The following TRAK2 variants were observed in gnomAD, a reference collection of about 807,000 sequenced individuals.
The protein encoded by TRAK2 is trafficking kinesin-binding protein 2.
A neutral mutation model predicts 104.6 loss-of-function variants in TRAK2; 81 were observed. That is an observed-to-expected ratio of 0.77 (90% CI 0.65 to 0.93). The LOEUF (loss-of-function observed/expected upper bound fraction) is 0.93, where lower values mean the gene tolerates loss of function less well. TRAK2 is among the 40% of genes least tolerant of loss of function. The probability of loss-of-function intolerance (pLI) is 0.00; values close to 1 mark genes in which losing one functional copy is unlikely to be tolerated. For missense variants in TRAK2, 1,002 were observed against 1,089.0 expected (o/e 0.92, Z 1.12); for synonymous variants, 406 against 394.4 (o/e 1.03, Z -0.35).
In TRAK2 at chr2:201,433,287, G is replaced by A. The variant is rs139679819; in HGVS notation, c.-199-12581C>T. On this transcript the variant is annotated intron_variant, in intron 1 of 15. Coordinates refer to ENST00000332624, the MANE Select transcript of TRAK2 (RefSeq NM_015049.3). ...ATCACTATCCAGCTGCACCGATGCC[G>A]CGGGAAAGCTACACTGGCTACATTC... 2.6e-3 allele frequency among the ~76,000 whole-genome samples: 402 copies of A among 152,312 alleles called. 3 individuals are homozygous for A. Among genetic ancestry groups the A allele is most frequent in the African/African-American group, 8.7e-3 (360 of 41,560 alleles).
intron 3 of TRAK2, among the ~76,000 whole-genome samples, chr2:201,404,375 C>T (rs1311928814): frequency 2.0e-5 from 3 of 152,142 alleles, no homozygotes; most frequent in Non-Finnish European, 4.4e-5. Context: ...AGTATTTATA[C>T]ATCAGGGAGA....
At chr2:201,440,229 A>T (rs1406324549) in intron 1 of TRAK2, among the ~76,000 whole-genome samples, 1 of 151,564 alleles carries the variant, frequency 6.6e-6, no homozygotes, top group African/African-American at 2.4e-5. Flanking sequence ...TTTTTTTAAG[A>T]TTTTAAGCCC....
chr2:201,435,944 T>A (rs1395871296), intron 1 of TRAK2, among the ~76,000 whole-genome samples: 1 of 152,272 alleles, frequency 6.6e-6, no homozygotes. Context: ...AACCTTCACA[T>A]GCAACTGAAG....
At chr2:201,441,447 C>T (rs1469152256) in intron 1 of TRAK2, among the ~76,000 whole-genome samples, 1 of 152,158 alleles carries the variant, frequency 6.6e-6, no homozygotes, top group Non-Finnish European at 1.5e-5. Flanking sequence ...TTTAAAAACT[C>T]ACAATTGCTA....
chr2:201,410,195 G>C (rs1951632600), intron 2 of TRAK2, among the ~76,000 whole-genome samples: 1 of 152,094 alleles, frequency 6.6e-6, no homozygotes, highest in South Asian at 2.1e-4. Flanking sequence ...CCAGCTACTA[G>C]GGAGGCTGAG....
At chr2:201,414,818 A>G (rs1168989142) in intron 2 of TRAK2, among the ~76,000 whole-genome samples, 1 of 125,852 alleles carries the variant, frequency 7.9e-6, no homozygotes, top group Non-Finnish European at 1.8e-5. Context: ...AGCTAAAAAC[A>G]GACTATTAGG....
chr2:201,384,486 A>G (rs1381534853), intron 14 of TRAK2, among the ~76,000 whole-genome samples: 1 of 152,148 alleles, frequency 6.6e-6, no homozygotes, highest in East Asian at 1.9e-4. Context: ...TAAAAAAATC[A>G]AGATCTAGTA....
At chr2:201,428,643 G>A (rs1446217583) in intron 1 of TRAK2, among the ~76,000 whole-genome samples, 5 of 152,300 alleles carry the variant, frequency 3.3e-5, no homozygotes, top group Non-Finnish European at 1.5e-5. Flanking sequence ...GATTGTCTTG[G>A]CAATGCAGGC....
At chr2:201,402,177 C>T (rs186854153) in intron 3 of TRAK2, among the ~76,000 whole-genome samples, 2 of 152,224 alleles carry the variant, frequency 1.3e-5, no homozygotes, top group East Asian at 1.9e-4. Flanking sequence ...ATAGTTACTA[C>T]TCCTTAAACA....
chr2:201,410,509 G>A (rs1951636091), intron 2 of TRAK2: 2 of 909,008 alleles, frequency 2.2e-6, no homozygotes, highest in Non-Finnish European at 3.4e-6. Flanking sequence ...GCTCACCCAT[G>A]ATTGGAACTG....
intron 2 of TRAK2, chr2:201,412,595 A>G: frequency 1.4e-6 from 2 of 1,476,328 alleles, no homozygotes; most frequent in East Asian, 2.3e-5. Flanking sequence ...CAGCTCACAT[A>G]AAGTATGTAT....
At chr2:201,417,241 C>CAAAAAAAAAAAAAAAAAAAAAA (rs61702415) in intron 2 of TRAK2, among the ~76,000 whole-genome samples, 24 of 88,410 alleles carry the variant, frequency 2.7e-4, no homozygotes, top group East Asian at 3.2e-4. Context: ...GAAGACATTG[C>CAAAAAAAAAAAAAAAAAAAAAA]AAAAAAAAAA....
rs189164151 is a variant in TRAK2 at position 201,401,866 on chromosome 2, C to T, written c.287-772G>A. 2.1e-3 allele frequency among the ~76,000 whole-genome samples: 327 copies of T among 152,142 alleles called. 3 individuals are homozygous for T. Among genetic ancestry groups the T allele is most frequent in the Middle Eastern group, 3.4e-3 (1 of 294 alleles). On this transcript the variant is annotated intron_variant, in intron 3 of 15. Coordinates refer to ENST00000332624, the MANE Select transcript of TRAK2 (RefSeq NM_015049.3). ...GTATCTTAAAGTTAATAATGCATAA[C>T]AAAAGAGGGCTCTTTTGACTTTGAA...
intron 3 of TRAK2, among the ~76,000 whole-genome samples, chr2:201,403,680 T>C (rs1951568463): frequency 1.3e-5 from 2 of 151,732 alleles, no homozygotes; most frequent in East Asian, 1.9e-4. Flanking sequence ...GTAAGGACTA[T>C]GGCTGATCTG....
In TRAK2 at chr2:201,380,516, T is replaced by C. The variant is rs1951329191; in HGVS notation, c.*27A>G. ...TATCTATCCTTCATGTGCTAACTTGTATAAAAGGTCAGTTAACTGCTGAAC... is the reference window on the plus strand; with the variant it reads ...TATCTATCCTTCATGTGCTAACTTGCATAAAAGGTCAGTTAACTGCTGAAC... On this transcript the variant is annotated 3_prime_UTR_variant, in exon 16 of 16. Coordinates refer to ENST00000332624, the MANE Select transcript of TRAK2 (RefSeq NM_015049.3). 5 of 1,605,638 alleles carry C rather than the reference T, an allele frequency of 3.1e-6. No individual in the cohort carries two copies. The highest frequency in any genetic ancestry group is 4.3e-6 in the Non-Finnish European group (5 of 1,174,640).
chr2:201,408,416 C>T (rs1951615492), intron 2 of TRAK2, among the ~76,000 whole-genome samples: 1 of 152,040 alleles, frequency 6.6e-6, no homozygotes, highest in African/African-American at 2.4e-5. Context: ...CAGATTATTT[C>T]ATCACCCAGG....
At chr2:201,424,351 G>T (rs1247506216) in intron 1 of TRAK2, among the ~76,000 whole-genome samples, 1 of 152,078 alleles carries the variant, frequency 6.6e-6, no homozygotes, top group Non-Finnish European at 1.5e-5. Context: ...ACACTCCAAA[G>T]ACCTAGATTT....
chr2:201,390,584 AAAAACAAAAATACCAAC>A (rs2125642947), intron 10 of TRAK2, among the ~76,000 whole-genome samples: 1 of 146,224 alleles, frequency 6.8e-6, no homozygotes, highest in Admixed American at 6.8e-5. Context: ...AAAAAAAAGT[AAAAACAAAAATACCAAC>A]AAAAAACAAT....
chr2:201,407,437 A>C lies in TRAK2; in HGVS notation c.252T>G (p.Ser84=). 1.2e-6 allele frequency: 2 copies of C among 1,614,088 alleles called. No homozygotes were observed. Among genetic ancestry groups the C allele is most frequent in the Non-Finnish European group, 8.5e-7 (1 of 1,179,956 alleles). ...GGAAAGTCTCTTCAGCAAGGACTGG[A>C]GAGAGAGCATCAGATGCATGCTGCC... ...HQRQHASDAL[S]PVLAEETFRY... is the part of the protein sequence containing the mutation. The change falls in exon 3 of 16, where the codon TCT becomes TCG. Residue 84 remains serine (S), a synonymous_variant. Coordinates refer to ENST00000332624, the MANE Select transcript of TRAK2 (RefSeq NM_015049.3).
Sources: gnomAD v4.1 joint callset for allele counts (sites outside exome capture counted in the v4.1 genomes callset) on GRCh38, gnomAD v4.1.1 for gene constraint, MANE v1.5 for transcripts, NCBI Gene and HGNC (gene_info 2026-07-23, HGNC 2026-07-21) for gene names.